Variants in ALG13 observed in about 807,000 individuals in gnomAD.
ALG13 encodes the protein UDP-N-acetylglucosamine transferase subunit ALG13.
In ALG13, 11 loss-of-function variants were observed where a neutral mutation model predicts 87.8. That is an observed-to-expected ratio of 0.13 (90% CI 0.08 to 0.21). The LOEUF is 0.21. ALG13 is among the 10% of genes least tolerant of loss of function. ALG13 has a pLI of 1.00. For synonymous variants in ALG13, 320 were observed against 306.3 expected, an observed-to-expected ratio of 1.04 and a Z score of -0.47; for missense variants, 756 against 866.1, an observed-to-expected ratio of 0.87 and a Z score of 1.60.
chrX:111,698,646 A>G (rs764930061), intron 3 of ALG13, among the ~76,000 whole-genome samples: 4 of 112,174 alleles, frequency 3.6e-5, no homozygotes, highest in Non-Finnish European at 5.6e-5. Context: ...TTCACTTAGC[A>G]TATAACGTCC....
rs766414375 is a variant in ALG13, at chrX:111,692,968, A to G, written c.383+7865A>G. Among the ~76,000 whole-genome samples, 3 of 110,221 alleles carry G rather than the reference A, an allele frequency of 2.7e-5. No homozygotes were observed. The Admixed American group carries it at 2.9e-4, about 11-fold the overall frequency. On this transcript the variant is annotated intron_variant, in intron 3 of 26. Transcript: ENST00000394780. ...TACACCTGGCTAATTTTTTGTAGAG[A>G]CGGGGTTTTGCCATGTTGCGCAGGC...
Position 111,724,962 on chromosome X carries a change from C to T in ALG13, c.1630C>T (p.Pro544Ser), listed in dbSNP as rs1941811792. The T allele has an allele frequency of 8.3e-7, 1 of 1,208,768 alleles. No homozygotes were observed. The highest frequency in any genetic ancestry group is 2.2e-5 in the Admixed American group (1 of 45,771). The change falls in exon 15 of 27, where the codon CCA becomes TCA. Residue 544 changes from proline (P) to serine (S), a missense_variant. By Grantham distance (74) the Pro-to-Ser change is moderately conservative. This residue lies in a region of ALG13 where 362 missense variants were observed against 383.5 expected (regional missense o/e 0.94). Transcript: ENST00000394780. ...KHVVPLANLK[P>S]VTQVMSVPAW... The stretch of plus-strand genomic sequence containing the variant: ...TGTTGTTCCACTGGCTAACTTAAAA[C>T]CAGTTACCCAAGTGATGTCTGTTCC...
chrX:111,685,672 T>C (rs757688728), intron 3 of ALG13, among the ~76,000 whole-genome samples: 1 of 112,168 alleles, frequency 8.9e-6, no homozygotes, highest in South Asian at 3.7e-4. Flanking sequence ...AGGTATTTCA[T>C]GTGGTGAAAT....
chrX:111,727,320 C>T lies in ALG13; in HGVS notation c.1977-12C>T, dbSNP rs374618611. The T allele has an allele frequency of 8.5e-6, 10 of 1,182,363 alleles. No individual in the cohort carries two copies. Among genetic ancestry groups the T allele is most frequent in the African/African-American group, 1.8e-5 (1 of 56,679 alleles). ...AATAGAGAGTTCTAGTTTCCTTTCT[C>T]TTTATTCTTAGGAATTCATCTCGGT... is the stretch of plus-strand genomic sequence containing the variant. On this transcript the variant is annotated splice_polypyrimidine_tract_variant and intron_variant, in intron 16 of 26. Coordinates refer to ENST00000394780, the MANE Select transcript of ALG13 (RefSeq NM_001099922.3).
At chrX:111,725,509 CA>C (rs1941891165) in intron 15 of ALG13, among the ~76,000 whole-genome samples, 1 of 108,973 alleles carries the variant, frequency 9.2e-6, no homozygotes, top group African/African-American at 3.4e-5. Flanking sequence ...TTAATGGGTA[CA>C]AAAATAGGTA....
chrX:111,691,729 CAGGCGTAACGGTATGCTAGCCAT>C (rs1052099878), intron 3 of ALG13, among the ~76,000 whole-genome samples: 1 of 111,673 alleles, frequency 9.0e-6, no homozygotes, highest in Non-Finnish European at 1.9e-5. Context: ...ATGTTAGCCA[CAGGCGTAACGGTATGCTAGCCAT>C]AGGTGTATAA....
intron 3 of ALG13, chrX:111,689,451 A>T (rs1935735046): frequency 1.3e-6 from 1 of 751,988 alleles, no homozygotes; most frequent in African/African-American, 2.3e-5. Flanking sequence ...AAAAGGCTAT[A>T]CAGCCCCTAA....
chrX:111,703,491 A>G (rs992397862), intron 3 of ALG13, among the ~76,000 whole-genome samples: 4 of 111,607 alleles, frequency 3.6e-5, no homozygotes, highest in Non-Finnish European at 5.7e-5. Flanking sequence ...GATGCAGAAC[A>G]GTTCCAGTGC....
chrX:111,744,926 G>GGT, intron 24 of ALG13, 22 bp downstream of exon 24: 1 of 1,145,502 alleles, frequency 8.7e-7, no homozygotes, highest in Non-Finnish European at 1.2e-6. Flanking sequence ...TTGAGACTTA[G>GGT]GTGAGGGATC....
At chrX:111,753,048 G>T (rs1434385044) in intron 25 of ALG13, 3 of 340,301 alleles carry the variant, frequency 8.8e-6, no homozygotes, top group Non-Finnish European at 1.5e-5. Context: ...CTGAAGAGAG[G>T]GGTACTGGGC....
At chrX:111,756,880 G>A (rs948207339) in intron 25 of ALG13, among the ~76,000 whole-genome samples, 2 of 111,739 alleles carry the variant, frequency 1.8e-5, no homozygotes, top group African/African-American at 6.5e-5. Flanking sequence ...TTGATAAACC[G>A]CTTGCCCCTT....
Position 111,726,704 on chromosome X carries a change from C to G in ALG13, c.1730-105C>G, listed in dbSNP as rs898585369. ...CTCCCTATGTTTATTTGGTTTGTTC[C>G]TAGGGGAAGCATTGGAAAGTTTAAG... is the stretch of plus-strand genomic sequence containing the variant. On this transcript the variant is annotated intron_variant, in intron 15 of 26. Coordinates refer to ENST00000394780, the MANE Select transcript of ALG13 (RefSeq NM_001099922.3). The G allele has an allele frequency of 4.3e-6, 4 of 926,714 alleles. No homozygotes were observed. The Middle Eastern group carries it at 1.1e-3, about 244-fold the overall frequency. The allele number at this position is 926,714 out of a possible 1,213,427, so 76.4% of individuals were successfully genotyped here.
Position 111,730,447 on chromosome X carries a change from G to C in ALG13, c.2401+20G>C. The C allele has an allele frequency of 7.5e-6, 9 of 1,202,680 alleles. No individual in the cohort carries two copies. Among genetic ancestry groups the C allele is most frequent in the Non-Finnish European group, 1.0e-5 (9 of 888,113 alleles). On this transcript the variant is annotated intron_variant, in intron 20 of 26. Transcript: ENST00000394780. ...GTGCAGGTCAGTAAGATCTAGAAGT[G>C]ATCTGGCATTCATCATTGTTTATAG...
Position 111,727,411 on chromosome X carries a change from T to A in ALG13, c.2056T>A (p.Cys686Ser). 1 of 1,207,272 alleles carries A rather than the reference T, an allele frequency of 8.3e-7. No homozygotes were observed. The highest frequency in any genetic ancestry group is 3.0e-5 in the East Asian group (1 of 33,721). Residue 686 changes from cysteine to serine, a missense_variant, in exon 17 of 27, where the codon TGC becomes AGC. By Grantham distance (112) the Cys-to-Ser change is moderately radical (BLOSUM62 -1). Around this residue, in one of 9 missense-constraint regions of ALG13, gnomAD observed 362 missense variants for 383.5 expected, o/e 0.94. Coordinates refer to ENST00000394780, the MANE Select transcript of ALG13 (RefSeq NM_001099922.3). ...TTACCCAGGCCCAGGTAAAAGGTGC[T>A]GCCAGAGCTATGATAACTTCTCTTA... The part of the protein sequence containing the change: ...DFYPGPGKRC[C>S]QSYDNFSYRS...
chrX:111,746,333 C>T (rs944127012), intron 24 of ALG13, among the ~76,000 whole-genome samples: 4 of 111,987 alleles, frequency 3.6e-5, no homozygotes, highest in African/African-American at 9.7e-5. Flanking sequence ...CAGTTTTTCC[C>T]GTGCTCTCCC....
At chrX:111,682,424 C>T (rs1240365492) in intron 2 of ALG13, 130 bp downstream of exon 2, 5 of 452,825 alleles carry the variant, frequency 1.1e-5, no homozygotes, top group Non-Finnish European at 1.7e-5. Flanking sequence ...CATGCATCAC[C>T]TAGGTATTAA....
chrX:111,681,681 G>A (rs966229651), intron 1 of ALG13: 1 of 858,724 alleles, frequency 1.2e-6, no homozygotes, highest in Non-Finnish European at 1.4e-6. Context: ...CCCCCCTGTG[G>A]ACCGCACGTC....
chrX:111,758,507 C>T (rs1307220365), intron 26 of ALG13, among the ~76,000 whole-genome samples: 1 of 112,327 alleles, frequency 8.9e-6, no homozygotes, highest in Non-Finnish European at 1.9e-5. Flanking sequence ...CCAATTAAAA[C>T]TCCTGTAATA....
intron 3 of ALG13, among the ~76,000 whole-genome samples, chrX:111,699,905 TC>T (rs199906602): frequency 0.02 from 2,194 of 110,575 alleles, 51 homozygotes; most frequent in African/African-American, 0.069. Flanking sequence ...TTTTTTTTTT[TC>T]TATTTCGGCA....
Sources: gnomAD v4.1 joint callset for allele counts (sites outside exome capture counted in the v4.1 genomes callset) on GRCh38, gnomAD v4.1.1 for gene constraint, gnomAD v4.1.1 regional missense constraint, MANE v1.5 for transcripts, NCBI Gene and HGNC (gene_info 2026-07-23, HGNC 2026-07-21) for gene names.